GRID2: variants seen among roughly 807,000 people sequenced by gnomAD.
GRID2 encodes glutamate ionotropic receptor delta type subunit 2, also known as glutamate receptor ionotropic, delta-2.
In GRID2, 33 loss-of-function variants were observed where a neutral mutation model predicts 114.8. That is an observed-to-expected ratio of 0.29 (90% CI 0.22 to 0.38). The LOEUF (loss-of-function observed/expected upper bound fraction) is 0.38, where lower values mean the gene tolerates loss of function less well. Ranked by LOEUF, GRID2 falls within the 10% of genes least tolerant of loss-of-function variation. The pLI, the probability that GRID2 is intolerant of heterozygous loss-of-function variation, is 1.00. For synonymous variants in GRID2, 505 were observed against 449.9 expected (o/e 1.12, Z -1.55); for missense variants, 1,184 against 1,257.7 (o/e 0.94, Z 0.89).
chr4:92,344,258 C>T (rs1296810566), intron 1 of GRID2, among the ~76,000 whole-genome samples: 1 of 152,072 alleles, frequency 6.6e-6, no homozygotes, highest in African/African-American at 2.4e-5. Flanking sequence ...ATTCCCCTTC[C>T]TCAATTTTCA....
chr4:92,930,578 ATTTTTT>A (rs35741890), intron 2 of GRID2, among the ~76,000 whole-genome samples: 2 of 119,502 alleles, frequency 1.7e-5, no homozygotes, highest in African/African-American at 6.3e-5. Context: ...CACTTTCGGC[ATTTTTT>A]TTTTTTTTTT....
intron 2 of GRID2, among the ~76,000 whole-genome samples, chr4:93,075,233 C>CT (rs1207470537): frequency 8.5e-5 from 13 of 152,132 alleles, no homozygotes; most frequent in African/African-American, 3.1e-4. Flanking sequence ...GCAGAAAAAA[C>CT]TTCCAATAAA....
At chr4:92,703,083 A>G (rs1024849859) in intron 2 of GRID2, among the ~76,000 whole-genome samples, 1 of 152,214 alleles carries the variant, frequency 6.6e-6, no homozygotes, top group Non-Finnish European at 1.5e-5. Flanking sequence ...ATATATGAAT[A>G]GAATTAAGCT....
At chr4:92,852,708 C>T (rs1225328836) in intron 2 of GRID2, among the ~76,000 whole-genome samples, 1 of 151,778 alleles carries the variant, frequency 6.6e-6, no homozygotes, top group African/African-American at 2.4e-5. Context: ...GTTTCTACAC[C>T]ATTTTTCCTG....
chr4:92,319,543 G>A (rs577503244), intron 1 of GRID2, among the ~76,000 whole-genome samples: 17 of 152,318 alleles, frequency 1.1e-4, no homozygotes, highest in African/African-American at 4.1e-4. Context: ...GAGATGCCTA[G>A]GGAAGCTAAT....
At position 92,651,151 on chromosome 4, in the gene GRID2, G is replaced by A. The variant is rs546908032; in HGVS notation, c.244+60865G>A. ...AGTTTTGGCAGAAACATTGTATGCC[G>A]GAAAGGAAAACCTGTATCCAGAATA... On this transcript the variant is annotated intron_variant, in intron 2 of 15. Transcript: ENST00000282020. Among the ~76,000 whole-genome samples, 7 of 152,060 alleles carry A rather than the reference G, an allele frequency of 4.6e-5. No individual in the cohort carries two copies. The South Asian group carries it at 8.3e-4, about 18-fold the overall frequency.
chr4:92,758,852 A>G (rs998154215), intron 2 of GRID2, among the ~76,000 whole-genome samples: 1 of 152,172 alleles, frequency 6.6e-6, no homozygotes, highest in Non-Finnish European at 1.5e-5. Context: ...GATTGGTCCT[A>G]TACTTAGCTA....
chr4:93,412,630 C>T (rs10019267), intron 9 of GRID2, among the ~76,000 whole-genome samples: 34,946 of 151,852 alleles, frequency 0.23, 5,750 homozygotes, highest in African/African-American at 0.47. Flanking sequence ...GTGTAGAATG[C>T]GCAGGTTTGT....
chr4:93,697,867 G>GTATATATATATATATATATATATA (rs1336222146), intron 14 of GRID2, among the ~76,000 whole-genome samples: 23 of 83,866 alleles, frequency 2.7e-4, no homozygotes, highest in African/African-American at 6.8e-4. Context: ...TCCACAATGT[G>GTATATATATATATATATATATATA]TGTATATATA....
intron 2 of GRID2, among the ~76,000 whole-genome samples, chr4:93,079,926 A>G (rs748662443): frequency 9.9e-5 from 15 of 152,066 alleles, no homozygotes; most frequent in Non-Finnish European, 1.8e-4. Flanking sequence ...TAATTAAAAT[A>G]TTTTTTCTGT....
chr4:92,809,477 C>A (rs191051004), intron 2 of GRID2, among the ~76,000 whole-genome samples: 4 of 151,856 alleles, frequency 2.6e-5, no homozygotes, highest in African/African-American at 9.7e-5. Flanking sequence ...AGTGAATATA[C>A]GTTTAATATT....
rs115922267 is a variant in GRID2 at position 92,933,911 on chromosome 4, G to A, written c.245-151084G>A. Among the ~76,000 whole-genome samples the A allele has an allele frequency of 5.2e-3, 787 of 151,688 alleles. 7 individuals carry two copies. The highest frequency in any genetic ancestry group is 0.018 in the African/African-American group (753 of 41,460). ...TTGTAAAAGGGAGGAATATCTGAAA[G>A]TAGAAGGTAATTATTTACATTAGAA... is the stretch of plus-strand genomic sequence containing the variant. On this transcript the variant is annotated intron_variant, in intron 2 of 15. Transcript: ENST00000282020.
chr4:92,955,676 C>T (rs1752352558), intron 2 of GRID2, among the ~76,000 whole-genome samples: 1 of 152,216 alleles, frequency 6.6e-6, no homozygotes, highest in African/African-American at 2.4e-5. Flanking sequence ...GTGTTTTAGA[C>T]ATGAAGTCCT....
chr4:92,609,159 C>G (rs1181180464), intron 2 of GRID2, among the ~76,000 whole-genome samples: 1 of 151,596 alleles, frequency 6.6e-6, no homozygotes, highest in East Asian at 1.9e-4. Context: ...CTTGTTTTTC[C>G]TTACATGCTT....
intron 14 of GRID2, among the ~76,000 whole-genome samples, chr4:93,630,889 CT>C (rs1343047902): frequency 6.6e-6 from 1 of 152,064 alleles, no homozygotes; most frequent in Non-Finnish European, 1.5e-5. Context: ...TCTGTCTTCC[CT>C]TATATTTCTT....
At chr4:93,332,291 T>TGAGAGAGAGAGAGAGAGAGA (rs1439107466) in intron 8 of GRID2, among the ~76,000 whole-genome samples, 1 of 107,344 alleles carries the variant, frequency 9.3e-6, no homozygotes, top group African/African-American at 5.4e-5. Context: ...TGTGTGTGTG[T>TGAGAGAGAGAGAGAGAGAGA]GTGTGTGTGA....
rs575504521 is a variant in GRID2 at position 92,798,085 on chromosome 4, G to A, written c.244+207799G>A. On this transcript the variant is annotated intron_variant, in intron 2 of 15. Coordinates refer to ENST00000282020, the MANE Select transcript of GRID2 (RefSeq NM_001510.4). The stretch of plus-strand genomic sequence containing the variant: ...TTTAAATGTTTCTTTAAAAAAGGGG[G>A]GGTTAAGTATCATTGTTTTTAATAT... Among the ~76,000 whole-genome samples, 610 of 151,846 alleles carry A rather than the reference G, an allele frequency of 4.0e-3. 2 individuals carry two copies. The highest frequency in any genetic ancestry group is 0.014 in the African/African-American group (593 of 41,450).
At chr4:92,619,140 T>C (rs1458872388) in intron 2 of GRID2, among the ~76,000 whole-genome samples, 1 of 151,708 alleles carries the variant, frequency 6.6e-6, no homozygotes, top group Non-Finnish European at 1.5e-5. Context: ...AGAGCTTGTG[T>C]TTACGTAGTA....
At chr4:93,302,658 A>C (rs1376282591) in intron 8 of GRID2, 3 of 446,666 alleles carry the variant, frequency 6.7e-6, no homozygotes, top group Non-Finnish European at 1.3e-5. Context: ...AAGTATAAAA[A>C]CCTAATTTTC....
Sources: allele counts gnomAD v4.1 joint callset (sites outside exome capture counted in the v4.1 genomes callset), GRCh38; gene constraint gnomAD v4.1.1; transcripts MANE v1.5; gene names NCBI Gene and HGNC (gene_info 2026-07-23, HGNC 2026-07-21).